The following KTN1 variants were observed in gnomAD, a reference collection of about 807,000 sequenced individuals.
KTN1 encodes the protein kinectin.
Under a neutral mutation model 222.5 loss-of-function variants are expected in KTN1, and 130 were observed. The observed-to-expected ratio is 0.58, with a 90% CI of 0.51 to 0.68. KTN1 has a LOEUF of 0.68. Ranked by LOEUF, KTN1 falls within the 30% of genes least tolerant of loss-of-function variation. The probability of loss-of-function intolerance (pLI) is 0.00; values close to 1 mark genes in which losing one functional copy is unlikely to be tolerated. For missense variants in KTN1, 1,508 were observed against 1,500.4 expected (o/e 1.01, Z -0.08); for synonymous variants, 512 against 496.3 (o/e 1.03, Z -0.42).
intron 12 of KTN1, among the ~76,000 whole-genome samples, chr14:55,638,320 G>A (rs914489268): frequency 6.6e-6 from 1 of 151,876 alleles, no homozygotes; most frequent in Non-Finnish European, 1.5e-5. Flanking sequence ...GTTTTCAAGT[G>A]ATAGTGTAAG....
At chr14:55,651,706 T>C in intron 24 of KTN1, 184 bp from the exon 25 acceptor site, 1 of 539,736 alleles carries the variant, frequency 1.9e-6, no homozygotes, top group South Asian at 2.9e-5. Context: ...TTATTATTTT[T>C]AGTTTATTAA....
chr14:55,643,058 T>C (rs1012859206), intron 18 of KTN1, among the ~76,000 whole-genome samples: 2 of 152,082 alleles, frequency 1.3e-5, no homozygotes, highest in Admixed American at 6.6e-5. Context: ...TACAGGCATA[T>C]GCCACCATGC....
intron 1 of KTN1, among the ~76,000 whole-genome samples, chr14:55,580,651 A>AC (rs1324307606): frequency 4.6e-5 from 7 of 150,994 alleles, no homozygotes; most frequent in Middle Eastern, 3.4e-3. Context: ...GCCGAGGGAC[A>AC]CCCCCCACCC....
intron 2 of KTN1, among the ~76,000 whole-genome samples, chr14:55,614,714 T>A (rs1274021040): frequency 6.6e-6 from 1 of 152,254 alleles, no homozygotes; most frequent in African/African-American, 2.4e-5. Context: ...CTGGCTTTCA[T>A]GCTGCAGTGG....
chr14:55,636,918 A>G (rs1272608466), intron 10 of KTN1, among the ~76,000 whole-genome samples: 1 of 151,980 alleles, frequency 6.6e-6, no homozygotes, highest in Non-Finnish European at 1.5e-5. Context: ...TAGTTTACTT[A>G]AAACTGCCCA....
chr14:55,659,785 G>C, intron 31 of KTN1, 82 bp downstream of exon 31: 2 of 810,130 alleles, frequency 2.5e-6, no homozygotes, highest in Admixed American at 4.2e-5. Context: ...GCAATTTAGT[G>C]TAACTGCAAA....
chr14:55,620,637 G>C (rs140801160), intron 5 of KTN1, among the ~76,000 whole-genome samples: 14 of 152,290 alleles, frequency 9.2e-5, no homozygotes, highest in Middle Eastern at 3.4e-3. Flanking sequence ...GGCCCATGCT[G>C]TACCTTGGTT....
At chr14:55,680,706 C>G (rs980816348) in intron 43 of KTN1, 1 of 1,366,568 alleles carries the variant, frequency 7.3e-7, no homozygotes, top group African/African-American at 1.5e-5. Context: ...CTCTGGCCTA[C>G]CTTGACACAT....
rs1242155419 is a variant in KTN1 at position 55,653,050 on chromosome 14, C to T, written c.2728C>T (p.His910Tyr). The T allele has an allele frequency of 1.2e-6, 2 of 1,602,912 alleles. No individual in the cohort carries two copies. Among genetic ancestry groups the T allele is most frequent in the South Asian group, 1.1e-5 (1 of 90,636 alleles). ...AGAAGAAAATGAATCTTTAAAAGCA[C>T]ATGTTCAGGAAGTAGCACAACATAA... Reference protein sequence around the residue: ...LQEENESLKAHVQEVAQHNLK... With the variant: ...LQEENESLKAYVQEVAQHNLK... The change falls in exon 27 of 44, where the codon CAT becomes TAT. Residue 910 changes from histidine to tyrosine, a missense_variant. Coordinates refer to ENST00000395314, the MANE Select transcript of KTN1 (RefSeq NM_001079521.2).
chr14:55,642,440 T>C (rs2041893214), intron 18 of KTN1, among the ~76,000 whole-genome samples: 1 of 152,206 alleles, frequency 6.6e-6, no homozygotes, highest in Non-Finnish European at 1.5e-5. Flanking sequence ...AGCCCAGTGG[T>C]ATCTGTTCTC....
intron 1 of KTN1, among the ~76,000 whole-genome samples, chr14:55,587,844 A>G (rs2033337817): frequency 6.6e-6 from 1 of 152,100 alleles, no homozygotes; most frequent in South Asian, 2.1e-4. Context: ...TTCCAGTTTG[A>G]CTAGATGTTT....
chr14:55,677,359 C>T (rs1566858896), intron 41 of KTN1, among the ~76,000 whole-genome samples: 1 of 151,646 alleles, frequency 6.6e-6, no homozygotes, highest in Non-Finnish European at 1.5e-5. Flanking sequence ...CACCTGCAGT[C>T]TCAGCTACTC....
intron 1 of KTN1, among the ~76,000 whole-genome samples, chr14:55,580,896 C>G (rs1442042731): frequency 6.6e-6 from 1 of 152,198 alleles, no homozygotes; most frequent in East Asian, 1.9e-4. Context: ...TCTGGGCGCT[C>G]GCCCCCTTCC....
intron 33 of KTN1, among the ~76,000 whole-genome samples, chr14:55,665,686 G>A (rs1024012099): frequency 6.6e-6 from 1 of 151,938 alleles, no homozygotes; most frequent in Non-Finnish European, 1.5e-5. Context: ...TACTCTTGAG[G>A]AGCTACTGAA....
chr14:55,637,278 C>T lies in KTN1; in HGVS notation c.1630C>T (p.Gln544Ter). 1 of 1,611,026 alleles carries T rather than the reference C, an allele frequency of 6.2e-7. No homozygotes were observed. The highest frequency in any genetic ancestry group is 8.5e-7 in the Non-Finnish European group (1 of 1,177,996). Residue 544 changes from glutamine to a stop codon, truncating the protein, a stop_gained, in exon 11 of 44, where the codon CAA becomes TAA. Coordinates refer to ENST00000395314, the MANE Select transcript of KTN1 (RefSeq NM_001079521.2). LOFTEE classifies it high-confidence loss of function. ...SKLTDTLVSK[Q>*]QLEQRLMQLM... Reference sequence around the variant, plus strand: ...GCTTACAGATACCTTGGTATCAAAACAACAGTTGGAGCAAAGACTAATGCA... The same window carrying T: ...GCTTACAGATACCTTGGTATCAAAATAACAGTTGGAGCAAAGACTAATGCA...
intron 24 of KTN1, chr14:55,651,379 T>C (rs1207851955): frequency 2.2e-6 from 1 of 455,866 alleles, no homozygotes; most frequent in Non-Finnish European, 4.4e-6. Context: ...ATAAAAGGTA[T>C]TATCAGACTG....
At chr14:55,613,109 A>G (rs2037832245) in intron 2 of KTN1, among the ~76,000 whole-genome samples, 1 of 152,196 alleles carries the variant, frequency 6.6e-6, no homozygotes, top group Non-Finnish European at 1.5e-5. Flanking sequence ...TATGCTAGGC[A>G]TTATGCTAGG....
intron 8 of KTN1, among the ~76,000 whole-genome samples, chr14:55,633,950 C>A (rs910810448): frequency 5.3e-5 from 8 of 152,014 alleles, no homozygotes; most frequent in Admixed American, 1.3e-4. Context: ...ACCAGCCTGG[C>A]CAACGTGGTG....
intron 1 of KTN1, among the ~76,000 whole-genome samples, chr14:55,591,205 A>G (rs957422712): frequency 6.6e-6 from 1 of 152,136 alleles, no homozygotes; most frequent in Admixed American, 6.5e-5. Context: ...TAAGAAACAC[A>G]TTTTAAATTA....
Sources: allele counts gnomAD v4.1 joint callset (sites outside exome capture counted in the v4.1 genomes callset), GRCh38; gene constraint gnomAD v4.1.1; transcripts MANE v1.5; gene names NCBI Gene and HGNC (gene_info 2026-07-23, HGNC 2026-07-21).